The following PAXIP1 variants were observed in gnomAD, a reference collection of about 807,000 sequenced individuals.
PAXIP1 encodes the protein PAX interacting protein 1, also known as PAX-interacting protein 1.
A neutral mutation model predicts 140.6 loss-of-function variants in PAXIP1; 19 were observed. That is an observed-to-expected ratio of 0.14 (90% confidence interval 0.09 to 0.20). The LOEUF (loss-of-function observed/expected upper bound fraction) is 0.20, where lower values mean the gene tolerates loss of function less well. Ranked by LOEUF, PAXIP1 falls within the 10% of genes least tolerant of loss-of-function variation. PAXIP1 has a pLI of 1.00. For missense variants in PAXIP1, 920 were observed against 1,208.6 expected (o/e 0.76, Z 3.54); for synonymous variants, 442 against 444.6 (o/e 0.99, Z 0.07).
chr7:154,977,633 C>T (rs906143793), intron 5 of PAXIP1, among the ~76,000 whole-genome samples: 15 of 152,044 alleles, frequency 9.9e-5, no homozygotes, highest in African/African-American at 3.6e-4. Context: ...ATGGGAGACA[C>T]CCATGAATAA....
At chr7:154,980,809 C>G (rs576958474) in intron 5 of PAXIP1, among the ~76,000 whole-genome samples, 1 of 152,162 alleles carries the variant, frequency 6.6e-6, no homozygotes, top group Non-Finnish European at 1.5e-5. Flanking sequence ...CTCTCTTTCT[C>G]TTTCTTTACA....
At chr7:154,999,468 A>G (rs306273) in intron 1 of PAXIP1, among the ~76,000 whole-genome samples, 95,824 of 152,082 alleles carry the variant, frequency 0.63, 30,448 homozygotes, top group Admixed American at 0.71. Flanking sequence ...GGTTGGCTAG[A>G]TGACTAAAGA....
intron 3 of PAXIP1, among the ~76,000 whole-genome samples, chr7:154,991,819 A>C (rs754315765): frequency 6.6e-6 from 1 of 152,218 alleles, no homozygotes; most frequent in Non-Finnish European, 1.5e-5. Flanking sequence ...TGTAGAATTC[A>C]AAATGGGTTA....
At position 154,975,791 on chromosome 7, in the gene PAXIP1, T is replaced by C. The variant is rs1809542909; in HGVS notation, c.979A>G (p.Met327Val). 6.2e-7 allele frequency: 1 copy of C among 1,613,988 alleles called. No homozygotes were observed. The highest frequency in any genetic ancestry group is 8.5e-7 in the Non-Finnish European group (1 of 1,179,838). The change falls in exon 6 of 21, where the codon ATG becomes GTG. Residue 327 changes from methionine to valine, a missense_variant. Around this residue, in one of 5 missense-constraint regions of PAXIP1, gnomAD observed 419 missense variants for 514.7 expected, o/e 0.81. Coordinates refer to ENST00000404141, the MANE Select transcript of PAXIP1 (RefSeq NM_007349.4). The part of the protein sequence containing the change: ...QNLQSSERSE[M>V]IATWSPAVRT... ...ACAGCTGGACTCCAGGTAGCTATCA[T>C]TTCTGATCTTTCAGAACTTTGGAGG...
intron 13 of PAXIP1, among the ~76,000 whole-genome samples, chr7:154,957,973 CAAAAAAAAAAAAA>C (rs35027196): frequency 1.1e-5 from 1 of 91,740 alleles, no homozygotes; most frequent in Non-Finnish European, 2.1e-5. Context: ...GACTCCGTCT[CAAAAAAAAAAAAA>C]AAAAAAAGAA....
rs774126032 is a variant in PAXIP1 at position 154,993,798 on chromosome 7, T to C, written c.217-29A>G. 84 of 1,528,936 alleles carry C rather than the reference T, an allele frequency of 5.5e-5. 1 individual carries two copies. In the South Asian group the frequency reaches 9.8e-4, roughly 18 times the overall value. 94.7% of individuals were successfully genotyped at this position (1,528,936 alleles called of 1,614,324 possible). The stretch of plus-strand genomic sequence containing the variant: ...AAAAAGAAAAGATTAAATCAAAAAG[T>C]ATTCTCAATTTACAAGTGGCATATT... On this transcript the variant is annotated intron_variant, in intron 2 of 20. Transcript: ENST00000404141.
At chr7:154,968,183 C>T (rs376958170) in intron 7 of PAXIP1, among the ~76,000 whole-genome samples, 2 of 152,120 alleles carry the variant, frequency 1.3e-5, no homozygotes, top group South Asian at 4.1e-4. Flanking sequence ...AGATGTTCTA[C>T]GGGACACCAA....
In PAXIP1 at chr7:154,947,957, G is replaced by A. The variant is rs1808074295; in HGVS notation, c.2868C>T (p.Phe956=). The A allele has an allele frequency of 1.2e-5, 19 of 1,613,666 alleles. No individual in the cohort carries two copies. The highest frequency in any genetic ancestry group is 1.6e-5 in the Non-Finnish European group (19 of 1,179,572). The change falls in exon 17 of 21, where the codon TTC becomes TTT. Residue 956 remains phenylalanine, a synonymous_variant. Transcript: ENST00000404141. ...TTAAGGATTCTTCCAAGCTGAAAGA[G>A]AAAAGTACTTCTGCCTCAGCATCTC... ...ILRDAEAEVL[F]SFSLEESLKR... is the part of the protein sequence containing the mutation.
chr7:154,967,952 T>C (rs377200374), intron 7 of PAXIP1, 42 bp from the exon 8 acceptor site: 3 of 1,357,056 alleles, frequency 2.2e-6, no homozygotes, highest in Non-Finnish European at 3.1e-6. Flanking sequence ...TAAAACCCTA[T>C]GAATATGCTT....
Position 154,968,521 on chromosome 7 carries a change from C to T in PAXIP1, c.1680G>A (p.Thr560=), listed in dbSNP as rs577036223. 3.7e-5 allele frequency: 30 copies of T among 806,296 alleles called. No individual in the cohort carries two copies. Among genetic ancestry groups the T allele is most frequent in the East Asian group, 1.9e-4 (7 of 37,606 alleles). 49.9% of individuals were successfully genotyped at this position (806,296 alleles called of 1,614,324 possible). Reference sequence around the variant, plus strand: ...GAACCTGATGCTGCAGCGCCTGTGACGTCTGACTCAAGTGTGGCGCTGTCT... The same window carrying T: ...GAACCTGATGCTGCAGCGCCTGTGATGTCTGACTCAAGTGTGGCGCTGTCT... ...QSQTAPHLSQ[T]SQALQHQVPP... The change falls in exon 7 of 21, where the codon ACG becomes ACA. Residue 560 remains threonine (T), a synonymous_variant. Coordinates refer to ENST00000404141, the MANE Select transcript of PAXIP1 (RefSeq NM_007349.4).
intron 16 of PAXIP1, 126 bp from the exon 17 acceptor site, chr7:154,948,129 C>A: frequency 2.9e-6 from 2 of 698,138 alleles, no homozygotes; most frequent in East Asian, 2.5e-5. Flanking sequence ...GTACAGCCTT[C>A]GGATATTTAA....
chr7:154,948,685 T>G (rs2150738523), intron 16 of PAXIP1: 1 of 151,964 alleles, frequency 6.6e-6, no homozygotes, highest in East Asian at 1.9e-4. Flanking sequence ...GTTCACCAAC[T>G]TTCCAAGCCC....
At chr7:154,971,837 A>C (rs529622535) in intron 6 of PAXIP1, among the ~76,000 whole-genome samples, 19 of 152,350 alleles carry the variant, frequency 1.2e-4, no homozygotes, top group Admixed American at 1.1e-3. Context: ...CTAATGTTCA[A>C]CTAAATCTGT....
intron 8 of PAXIP1, chr7:154,964,455 T>G (rs1169052683): frequency 6.6e-6 from 1 of 152,182 alleles, no homozygotes; most frequent in Non-Finnish European, 1.5e-5. Context: ...ATTCTTTCAC[T>G]TACTACTTTT....
rs1458081439 is a variant in PAXIP1, at chr7:154,975,729, A to C, written c.1041T>G (p.Ile347Met). 5 of 1,613,140 alleles carry C rather than the reference A, an allele frequency of 3.1e-6. No homozygotes were observed. Among genetic ancestry groups the C allele is most frequent in the Non-Finnish European group, 4.2e-6 (5 of 1,179,276 alleles). Reference sequence around the variant, plus strand: ...CATTTGATGGCCGGTTCATCTGCTGAATGTCAGCATTATTAGTAATATTCC... The same window carrying C: ...CATTTGATGGCCGGTTCATCTGCTGCATGTCAGCATTATTAGTAATATTCC... Reference protein sequence around the residue: ...TLRNITNNADIQQMNRPSNVA... With the variant: ...TLRNITNNADMQQMNRPSNVA... Residue 347 changes from isoleucine to methionine, a missense_variant, in exon 6 of 21, where the codon ATT becomes ATG. Ile to Met is a conservative substitution (Grantham distance 10). Around this residue, in one of 5 missense-constraint regions of PAXIP1, gnomAD observed 419 missense variants for 514.7 expected, o/e 0.81. Transcript: ENST00000404141.
intron 20 of PAXIP1, chr7:154,945,783 T>TAAAA: frequency 1.0e-6 from 1 of 984,966 alleles, no homozygotes; most frequent in Non-Finnish European, 1.2e-6. Flanking sequence ...ATTAAAATAA[T>TAAAA]AATTCAGAGA....
rs889835612 is a variant in PAXIP1, at chr7:154,946,940, C to G, written c.2923-127G>C. On this transcript the variant is annotated intron_variant, in intron 17 of 20. Coordinates refer to ENST00000404141, the MANE Select transcript of PAXIP1 (RefSeq NM_007349.4). The surrounding 1 kb of genome is among the most constrained non-coding windows in gnomAD (Gnocchi z 4.9). ...CAAATTTTATGACATTATGAAGGTACTATTCTCCTACTAGCACTCAATCTG... is the reference window on the plus strand; with the variant it reads ...CAAATTTTATGACATTATGAAGGTAGTATTCTCCTACTAGCACTCAATCTG... 2.9e-5 allele frequency: 19 copies of G among 652,404 alleles called. No individual in the cohort carries two copies. Among genetic ancestry groups the G allele is most frequent in the Admixed American group, 2.0e-4 (7 of 34,434 alleles). The allele number at this position is 652,404 out of a possible 1,614,324, so 40.4% of individuals were successfully genotyped here. A position where few individuals can be genotyped will look rare whatever the true frequency, so the allele number is the denominator to read the frequency against.
In PAXIP1 at chr7:154,961,617, T is replaced by C; in HGVS notation, c.2159A>G (p.Asp720Gly). 6.2e-7 allele frequency: 1 copy of C among 1,603,114 alleles called. No homozygotes were observed. Among genetic ancestry groups the C allele is most frequent in the Non-Finnish European group, 8.5e-7 (1 of 1,173,904 alleles). The change falls in exon 11 of 21, where the codon GAC becomes GGC. Residue 720 changes from aspartate to glycine, a missense_variant. Asp to Gly is a moderately conservative substitution (Grantham distance 94). This residue lies in a region of PAXIP1 where 303 missense variants were observed against 517.9 expected (regional missense o/e 0.59). Transcript: ENST00000404141. The stretch of plus-strand genomic sequence containing the variant: ...AGCCATTAATTTTAGGTCATCTCTG[T>C]CACTATCAACAAATCCAGTCACAGA... The part of the protein sequence containing the change: ...IISVTGFVDS[D>G]RDDLKLMAYL...
chr7:154,998,863 G>C, intron 1 of PAXIP1, 79 bp from the exon 2 acceptor site: 1 of 1,232,500 alleles, frequency 8.1e-7, no homozygotes, highest in Non-Finnish European at 1.1e-6. Flanking sequence ...TAATTATTGG[G>C]CATAATAGTA....
Sources: allele counts gnomAD v4.1 joint callset (sites outside exome capture counted in the v4.1 genomes callset), GRCh38; gene constraint gnomAD v4.1.1; regional missense constraint gnomAD v4.1.1; non-coding constraint Gnocchi (gnomAD v3.1); transcripts MANE v1.5; gene names NCBI Gene and HGNC (gene_info 2026-07-23, HGNC 2026-07-21).